Variants in DST observed in about 807,000 individuals in gnomAD.
DST encodes the protein bullous pemphigoid antigen.
A neutral mutation model predicts 875.2 loss-of-function variants in DST; 253 were observed. The ratio of observed to expected loss-of-function variants is 0.29; its 90% confidence interval spans 0.26 to 0.32. The LOEUF is 0.32. DST is among the 10% of genes least tolerant of loss of function. The pLI, the probability that DST is intolerant of heterozygous loss-of-function variation, is 1.00. For synonymous variants in DST, 3,124 were observed against 3,197.1 expected, an observed-to-expected ratio of 0.98 and a Z score of 0.77; for missense variants, 8,287 against 9,111.6, an observed-to-expected ratio of 0.91 and a Z score of 3.68.
intron 4 of DST, among the ~76,000 whole-genome samples, chr6:56,835,029 A>C (rs1057148199): frequency 2.0e-5 from 3 of 152,258 alleles, no homozygotes; most frequent in Non-Finnish European, 4.4e-5. Context: ...TGAGCTATCA[A>C]GCTATGAAAA....
intron 4 of DST, among the ~76,000 whole-genome samples, chr6:56,737,509 A>T (rs1231606755): frequency 6.6e-6 from 1 of 152,236 alleles, no homozygotes. Context: ...TCTTTGTTGC[A>T]CTAGTCACAA....
In DST at chr6:56,509,835, T is replaced by C. The variant is rs748476850; in HGVS notation, c.18819A>G (p.Glu6273=). 3.1e-6 allele frequency: 5 copies of C among 1,613,366 alleles called. No individual in the cohort carries two copies. The African/African-American group carries it at 5.3e-5, about 17-fold the overall frequency. ...DKIDQILESL[E]RIVERLRQPP... ...GCTGCCTCAGACGTTCCACGATGCG[T>C]TCCAGGCTCTCAAGGATCTGATCTA... Residue 6273 remains glutamate, a synonymous_variant, in exon 74 of 104, where the codon GAA becomes GAG. Transcript: ENST00000680361.
intron 57 of DST, 79 bp downstream of exon 57, chr6:56,561,229 C>T: frequency 2.1e-6 from 3 of 1,448,848 alleles, no homozygotes; most frequent in Non-Finnish European, 2.8e-6. Context: ...CAGAGCAGAG[C>T]TTCTGACTAC....
At chr6:56,746,682 T>C (rs556528929) in intron 4 of DST, among the ~76,000 whole-genome samples, 2 of 152,200 alleles carry the variant, frequency 1.3e-5, no homozygotes, top group Non-Finnish European at 2.9e-5. Flanking sequence ...TCCTATCTCA[T>C]TCTACATATT....
At chr6:56,697,646 C>A (rs1212700120) in intron 9 of DST, among the ~76,000 whole-genome samples, 2 of 152,108 alleles carry the variant, frequency 1.3e-5, no homozygotes, top group African/African-American at 4.8e-5. Flanking sequence ...TTAATTCTAC[C>A]TCCCTCCGAA....
At position 56,710,562 on chromosome 6, in the gene DST, G is replaced by A. The variant is rs190164007; in HGVS notation, c.688-6193C>T. On this transcript the variant is annotated intron_variant, in intron 5 of 103. Coordinates refer to ENST00000680361, the MANE Select transcript of DST (RefSeq NM_001374736.1). ...AAAAATTAGCTGTCAGGTTCTCCTG[G>A]GAGAGTTCCTTAGACAGCCTACTTG... Among the ~76,000 whole-genome samples the A allele has an allele frequency of 1.2e-4, 19 of 152,110 alleles. No individual in the cohort carries two copies. In the East Asian group the frequency reaches 3.5e-3, roughly 28 times the overall value.
intron 54 of DST, among the ~76,000 whole-genome samples, chr6:56,569,378 G>GGA (rs559468101): frequency 6.6e-6 from 1 of 150,452 alleles, no homozygotes; most frequent in African/African-American, 2.5e-5. Flanking sequence ...TGGAATGGGG[G>GGA]AAAAAAAATG....
intron 5 of DST, among the ~76,000 whole-genome samples, chr6:56,732,802 C>G (rs1268831886): frequency 1.3e-5 from 2 of 152,174 alleles, no homozygotes; most frequent in African/African-American, 4.8e-5. Context: ...CCAAGGGGAA[C>G]CTGCTGGGAT....
chr6:56,634,058 C>CAA, intron 27 of DST, 74 bp downstream of exon 27: 1 of 1,562,024 alleles, frequency 6.4e-7, no homozygotes, highest in Non-Finnish European at 8.8e-7. Flanking sequence ...AAAGCAAATA[C>CAA]AAACTCTACG....
Position 56,817,338 on chromosome 6 carries a change from G to T in DST, c.625+34059C>A, listed in dbSNP as rs538254629. ...TTAAATCAACTAAGAAAATAACATA[G>T]GCTTTCTAAAAGAATCTAAGGGCCA... On this transcript the variant is annotated intron_variant, in intron 4 of 103. Coordinates refer to ENST00000680361, the MANE Select transcript of DST (RefSeq NM_001374736.1). Among the ~76,000 whole-genome samples, 192 of 152,074 alleles carry T rather than the reference G, an allele frequency of 1.3e-3. 2 individuals are homozygous for T. Among genetic ancestry groups the T allele is most frequent in the Non-Finnish European group, 1.5e-4 (10 of 67,992 alleles).
At position 56,458,778 on chromosome 6, in the gene DST, T is replaced by C; in HGVS notation, c.*227A>G. 1 of 435,958 alleles carries C rather than the reference T, an allele frequency of 2.3e-6. No individual in the cohort carries two copies. Among genetic ancestry groups the C allele is most frequent in the Non-Finnish European group, 4.0e-6 (1 of 251,618 alleles). The allele number at this position is 435,958 out of a possible 1,614,324, so 27.0% of individuals were successfully genotyped here. A position where few individuals can be genotyped will look rare whatever the true frequency, so the allele number is the denominator to read the frequency against. ...GCACGTTACAGTGCAGAAATGTTAGTTCATGTTAAACTTTTCCTCCTCACA... is the reference window on the plus strand; with the variant it reads ...GCACGTTACAGTGCAGAAATGTTAGCTCATGTTAAACTTTTCCTCCTCACA... On this transcript the variant is annotated 3_prime_UTR_variant, in exon 104 of 104. Transcript: ENST00000680361.
At chr6:56,657,426 T>A (rs2099014869) in intron 10 of DST, among the ~76,000 whole-genome samples, 1 of 152,134 alleles carries the variant, frequency 6.6e-6, no homozygotes, top group Admixed American at 6.5e-5. Flanking sequence ...TTTGGTCACA[T>A]ATATTTTTTT....
chr6:56,905,512 G>A (rs1327969938), intron 2 of DST, among the ~76,000 whole-genome samples: 1 of 152,136 alleles, frequency 6.6e-6, no homozygotes, highest in Non-Finnish European at 1.5e-5. Flanking sequence ...TTCAGTATTT[G>A]TCTTTCTGTG....
chr6:56,473,870 T>G lies in DST; in HGVS notation c.21994+3A>C. ...CATTTTAAAGAAATTGATCACTGCT[T>G]ACTTCCTGCTCGTCCCTTATCCAAG... is the stretch of plus-strand genomic sequence containing the variant. On this transcript the variant is annotated splice_donor_region_variant and intron_variant, in intron 93 of 103. Coordinates refer to ENST00000680361, the MANE Select transcript of DST (RefSeq NM_001374736.1). 1 of 1,596,962 alleles carries G rather than the reference T, an allele frequency of 6.3e-7. No homozygotes were observed.
At chr6:56,695,695 T>C (rs1226532986) in intron 9 of DST, among the ~76,000 whole-genome samples, 1 of 152,250 alleles carries the variant, frequency 6.6e-6, no homozygotes, top group Non-Finnish European at 1.5e-5. Context: ...TTCATTACCT[T>C]AGTATCTCTG....
At chr6:56,696,760 T>C (rs1425640270) in intron 9 of DST, among the ~76,000 whole-genome samples, 1 of 152,182 alleles carries the variant, frequency 6.6e-6, no homozygotes, top group Non-Finnish European at 1.5e-5. Flanking sequence ...CTCACCATTA[T>C]TTCTACTTGA....
At chr6:56,918,624 T>G (rs1802531821) in intron 2 of DST, among the ~76,000 whole-genome samples, 1 of 152,224 alleles carries the variant, frequency 6.6e-6, no homozygotes, top group Non-Finnish European at 1.5e-5. Flanking sequence ...AGGTACCAAC[T>G]TTGTCTCTAA....
At chr6:56,924,149 T>C (rs1232343968) in intron 2 of DST, among the ~76,000 whole-genome samples, 1 of 151,790 alleles carries the variant, frequency 6.6e-6, no homozygotes, top group African/African-American at 2.4e-5. Context: ...CAGAAACACC[T>C]AGAATAAATG....
At chr6:56,770,156 C>A (rs554232869) in intron 4 of DST, among the ~76,000 whole-genome samples, 2 of 152,156 alleles carry the variant, frequency 1.3e-5, no homozygotes, top group African/African-American at 2.4e-5. Context: ...GACTCCTAAA[C>A]AGCAGATAAG....
Sources: gnomAD v4.1 joint callset for allele counts (sites outside exome capture counted in the v4.1 genomes callset) on GRCh38, gnomAD v4.1.1 for gene constraint, MANE v1.5 for transcripts, NCBI Gene and HGNC (gene_info 2026-07-23, HGNC 2026-07-21) for gene names.